CSMD1: variants seen among roughly 807,000 people sequenced by gnomAD.
The protein encoded by CSMD1 is CUB and sushi domain-containing protein 1.
In CSMD1, 213 loss-of-function variants were observed where a neutral mutation model predicts 417.5. That is an observed-to-expected ratio of 0.51 (90% CI 0.46 to 0.57). The LOEUF (loss-of-function observed/expected upper bound fraction) is 0.57, where lower values mean the gene tolerates loss of function less well. Among genes scored for constraint, CSMD1 ranks in the 20% least tolerant of loss-of-function variants. The pLI is 0.00. For synonymous variants in CSMD1, 2,862 were observed against 1,736.8 expected, an observed-to-expected ratio of 1.65 and a Z score of -16.11; for missense variants, 6,923 against 4,529.7, an observed-to-expected ratio of 1.53 and a Z score of -15.17.
At chr8:3,089,950 A>G (rs538441105) in intron 48 of CSMD1, among the ~76,000 whole-genome samples, 19 of 152,306 alleles carry the variant, frequency 1.2e-4, no homozygotes, top group African/African-American at 4.6e-4. Context: ...AAACAAGATA[A>G]ATTATGTTCA....
At chr8:4,347,120 G>T (rs1430460613) in intron 3 of CSMD1, among the ~76,000 whole-genome samples, 1 of 152,068 alleles carries the variant, frequency 6.6e-6, no homozygotes, top group South Asian at 2.1e-4. Context: ...CTCCAAGGCA[G>T]GAAAGATGAA....
intron 1 of CSMD1, among the ~76,000 whole-genome samples, chr8:4,800,188 CAGCACGTTGGGAAGCCA>C (rs1798201828): frequency 6.6e-6 from 1 of 152,080 alleles, no homozygotes; most frequent in Non-Finnish European, 1.5e-5. Flanking sequence ...CCTATAACCC[CAGCACGTTGGGAAGCCA>C]AGGCGGATGG....
intron 1 of CSMD1, among the ~76,000 whole-genome samples, chr8:4,982,561 A>T (rs759748226): frequency 1.3e-5 from 2 of 152,346 alleles, no homozygotes; most frequent in Non-Finnish European, 1.5e-5. Context: ...CCACATCTTT[A>T]ACTTAGGTAC....
intron 3 of CSMD1, among the ~76,000 whole-genome samples, chr8:4,058,630 G>T (rs887842278): frequency 2.7e-5 from 4 of 150,332 alleles, no homozygotes; most frequent in Non-Finnish European, 5.9e-5. Context: ...AAAAAAGGCA[G>T]GGGTTGCAAT....
chr8:4,367,862 A>G (rs1218032196), intron 3 of CSMD1, among the ~76,000 whole-genome samples: 1 of 152,050 alleles, frequency 6.6e-6, no homozygotes, highest in Non-Finnish European at 1.5e-5. Flanking sequence ...TTGAGCTTCG[A>G]TAGGGTATAG....
intron 8 of CSMD1, among the ~76,000 whole-genome samples, chr8:3,605,547 G>A (rs1445214938): frequency 1.3e-5 from 2 of 152,262 alleles, no homozygotes; most frequent in South Asian, 4.1e-4. Flanking sequence ...CAACACATGG[G>A]CTATGGATTT....
chr8:3,987,441 G>C (rs981821199), intron 5 of CSMD1, among the ~76,000 whole-genome samples: 4 of 152,172 alleles, frequency 2.6e-5, no homozygotes, highest in Admixed American at 2.0e-4. Flanking sequence ...TACAGTGGTA[G>C]GTTTCTGACT....
intron 2 of CSMD1, among the ~76,000 whole-genome samples, chr8:4,505,211 G>C (rs1317623543): frequency 6.6e-6 from 1 of 152,156 alleles, no homozygotes; most frequent in Admixed American, 6.6e-5. Flanking sequence ...AATCCAGTTA[G>C]AGGTCTTGAT....
chr8:4,678,690 T>C (rs1453704473), intron 1 of CSMD1, among the ~76,000 whole-genome samples: 2 of 152,166 alleles, frequency 1.3e-5, no homozygotes, highest in African/African-American at 4.8e-5. Flanking sequence ...GGCATCCAAA[T>C]AAGATAAAAA....
intron 10 of CSMD1, among the ~76,000 whole-genome samples, chr8:3,551,775 T>C (rs984428941): frequency 6.6e-6 from 1 of 152,166 alleles, no homozygotes; most frequent in Non-Finnish European, 1.5e-5. Flanking sequence ...GATAATATGA[T>C]GTTCTCTGTA....
intron 25 of CSMD1, among the ~76,000 whole-genome samples, chr8:3,298,558 A>G (rs1475460881): frequency 6.6e-6 from 1 of 152,168 alleles, no homozygotes; most frequent in Non-Finnish European, 1.5e-5. Flanking sequence ...GGCTCAAGCA[A>G]TTCTTCTGCC....
chr8:4,041,338 C>T (rs1367882868), intron 3 of CSMD1, among the ~76,000 whole-genome samples: 4 of 152,128 alleles, frequency 2.6e-5, no homozygotes, highest in Non-Finnish European at 5.9e-5. Flanking sequence ...ATTTTAAACA[C>T]TAGAAGAATT....
chr8:4,253,438 A>T (rs1019753109), intron 3 of CSMD1, among the ~76,000 whole-genome samples: 2 of 152,194 alleles, frequency 1.3e-5, no homozygotes, highest in Admixed American at 6.5e-5. Flanking sequence ...AACATAGCGG[A>T]ACACCATATC....
intron 5 of CSMD1, among the ~76,000 whole-genome samples, chr8:3,987,830 T>G (rs1022112206): frequency 1.2e-4 from 19 of 152,192 alleles, no homozygotes; most frequent in African/African-American, 4.6e-4. Context: ...GTTCCAGATG[T>G]TAATTGACAG....
chr8:4,385,010 T>C (rs1246852888), intron 3 of CSMD1, among the ~76,000 whole-genome samples: 1 of 152,122 alleles, frequency 6.6e-6, no homozygotes, highest in Non-Finnish European at 1.5e-5. Context: ...CAATGCAACC[T>C]CCGTCCCCCT....
intron 1 of CSMD1, among the ~76,000 whole-genome samples, chr8:4,967,962 A>C (rs73515848): frequency 1.3e-5 from 2 of 152,122 alleles, no homozygotes; most frequent in African/African-American, 2.4e-5. Context: ...TTTCTAAATA[A>C]AGACGATAGG....
At chr8:3,229,977 G>T in intron 27 of CSMD1, 63 bp downstream of exon 27, 1 of 1,116,890 alleles carries the variant, frequency 9.0e-7, no homozygotes, top group Non-Finnish European at 1.2e-6. Context: ...TTTACGGAGC[G>T]CTTTTAACGA....
intron 51 of CSMD1, among the ~76,000 whole-genome samples, chr8:3,020,930 G>A (rs1809318291): frequency 6.6e-6 from 1 of 152,176 alleles, no homozygotes; most frequent in Admixed American, 6.5e-5. Context: ...AACTCGAGTA[G>A]GATTTAGATT....
chr8:4,528,294 T>C (rs1481664432), intron 2 of CSMD1, among the ~76,000 whole-genome samples: 1 of 152,096 alleles, frequency 6.6e-6, no homozygotes, highest in Non-Finnish European at 1.5e-5. Flanking sequence ...TAGAGAGCCA[T>C]CCATGAACAG....
Sources: allele counts gnomAD v4.1 joint callset (sites outside exome capture counted in the v4.1 genomes callset), GRCh38; gene constraint gnomAD v4.1.1; transcripts MANE v1.5; gene names NCBI Gene and HGNC (gene_info 2026-07-23, HGNC 2026-07-21).